Variants in CADM2 observed in about 807,000 individuals in gnomAD.
CADM2 encodes the protein cell adhesion molecule 2.
A neutral mutation model predicts 49.8 loss-of-function variants in CADM2; 12 were observed. The observed-to-expected ratio is 0.24, with a 90% CI of 0.15 to 0.39. The LOEUF (loss-of-function observed/expected upper bound fraction) is 0.39, where lower values mean the gene tolerates loss of function less well. Ranked by LOEUF, CADM2 falls within the 10% of genes least tolerant of loss-of-function variation. The pLI, the probability that CADM2 is intolerant of heterozygous loss-of-function variation, is 1.00. For synonymous variants in CADM2, 214 were observed against 175.4 expected (o/e 1.22, Z -1.74); for missense variants, 378 against 492.3 (o/e 0.77, Z 2.20).
At chr3:85,996,101 TA>T (rs1448096216) in intron 8 of CADM2, among the ~76,000 whole-genome samples, 1 of 148,172 alleles carries the variant, frequency 6.7e-6, no homozygotes, top group Non-Finnish European at 1.5e-5. Flanking sequence ...AAAAAAAAAA[TA>T]AAAAATAAAA....
chr3:85,780,371 C>T (rs73845661), intron 2 of CADM2, among the ~76,000 whole-genome samples: 4 of 152,212 alleles, frequency 2.6e-5, no homozygotes, highest in South Asian at 2.1e-4. Flanking sequence ...TCAAAGCAAA[C>T]ATTCATGAAA....
chr3:86,007,692 T>C (rs1730963538), intron 8 of CADM2, among the ~76,000 whole-genome samples: 1 of 152,224 alleles, frequency 6.6e-6, no homozygotes, highest in African/African-American at 2.4e-5. Flanking sequence ...GGCTGGTGAT[T>C]GGACCTCTCC....
intron 6 of CADM2, among the ~76,000 whole-genome samples, chr3:85,924,201 TAAAG>T (rs966264040): frequency 9.2e-5 from 14 of 152,112 alleles, no homozygotes; most frequent in African/African-American, 3.1e-4. Context: ...GCACCTCTAA[TAAAG>T]AAAGAACACA....
chr3:85,735,935 A>G (rs1258777074), intron 2 of CADM2, among the ~76,000 whole-genome samples: 5 of 152,252 alleles, frequency 3.3e-5, no homozygotes, highest in South Asian at 2.1e-4. Flanking sequence ...AATTTAGAAG[A>G]AAGTTCTACA....
intron 1 of CADM2, among the ~76,000 whole-genome samples, chr3:85,274,774 A>C (rs1349624002): frequency 6.6e-6 from 1 of 151,502 alleles, no homozygotes; most frequent in Non-Finnish European, 1.5e-5. Context: ...GAGCATCTGA[A>C]AAAGGAATTA....
At chr3:85,256,248 A>C (rs1576222615) in intron 1 of CADM2, among the ~76,000 whole-genome samples, 2 of 151,680 alleles carry the variant, frequency 1.3e-5, no homozygotes, top group Non-Finnish European at 2.9e-5. Context: ...CATCAGGATC[A>C]CTCTCCTCTT....
chr3:85,212,881 T>C (rs548707257), intron 1 of CADM2, among the ~76,000 whole-genome samples: 2 of 134,288 alleles, frequency 1.5e-5, no homozygotes, highest in Admixed American at 7.5e-5. Context: ...TTTCTTTCTT[T>C]CTTTCTCTTT....
intron 1 of CADM2, among the ~76,000 whole-genome samples, chr3:85,504,924 A>G (rs1051153775): frequency 3.9e-5 from 6 of 152,136 alleles, no homozygotes; most frequent in Non-Finnish European, 8.8e-5. Context: ...CCCGGGTGCT[A>G]AGCCCCTCAT....
intron 1 of CADM2, among the ~76,000 whole-genome samples, chr3:85,218,815 G>C (rs1231301549): frequency 6.6e-6 from 1 of 152,052 alleles, no homozygotes; most frequent in Non-Finnish European, 1.5e-5. Flanking sequence ...AAATAAAATT[G>C]TGTGCATTTA....
chr3:85,540,573 T>G (rs2061515307), intron 1 of CADM2, among the ~76,000 whole-genome samples: 1 of 152,168 alleles, frequency 6.6e-6, no homozygotes, highest in South Asian at 2.1e-4. Flanking sequence ...GAACTGAGAC[T>G]TGGTTTCAGA....
intron 1 of CADM2, among the ~76,000 whole-genome samples, chr3:85,077,338 G>T (rs1463639442): frequency 6.6e-6 from 1 of 151,976 alleles, no homozygotes. Context: ...TACTTATGAG[G>T]CAATGCTTTT....
At chr3:85,967,126 A>G (rs1456686390) in intron 8 of CADM2, among the ~76,000 whole-genome samples, 1 of 151,672 alleles carries the variant, frequency 6.6e-6, no homozygotes, top group African/African-American at 2.4e-5. Context: ...AATCGTACAC[A>G]TAGATATTAT....
intron 5 of CADM2, among the ~76,000 whole-genome samples, chr3:85,901,384 A>G (rs1716098811): frequency 6.6e-6 from 1 of 152,166 alleles, no homozygotes; most frequent in Non-Finnish European, 1.5e-5. Flanking sequence ...GTTATAGTAT[A>G]GATTACAGTT....
chr3:85,123,359 G>A (rs1490864694), intron 1 of CADM2, among the ~76,000 whole-genome samples: 3 of 152,004 alleles, frequency 2.0e-5, no homozygotes, highest in Admixed American at 6.6e-5. Flanking sequence ...ATTTCAAATG[G>A]TAGTCATAAG....
intron 1 of CADM2, among the ~76,000 whole-genome samples, chr3:85,182,781 A>G (rs112715950): frequency 0.033 from 5,051 of 152,130 alleles, 137 homozygotes; most frequent in Non-Finnish European, 0.052. Context: ...CAGTTGTCTT[A>G]TTGTGCTTGT....
At chr3:85,006,973 C>T (rs555757962) in intron 1 of CADM2, among the ~76,000 whole-genome samples, 92 of 151,952 alleles carry the variant, frequency 6.1e-4, no homozygotes, top group Non-Finnish European at 1.1e-3. Context: ...AATTAATGTC[C>T]AATAAAATGT....
intron 8 of CADM2, chr3:85,992,245 G>C (rs991211962): frequency 1.3e-5 from 2 of 151,908 alleles, no homozygotes; most frequent in Non-Finnish European, 2.9e-5. Context: ...AAAAATTGAT[G>C]TGAAATATTT....
chr3:85,942,292 G>A (rs1192958078), intron 7 of CADM2, among the ~76,000 whole-genome samples: 1 of 150,614 alleles, frequency 6.6e-6, no homozygotes, highest in Admixed American at 6.7e-5. Context: ...AGAACAACTG[G>A]TACCAGCCAC....
At chr3:85,368,850 C>A (rs984229703) in intron 1 of CADM2, among the ~76,000 whole-genome samples, 5 of 152,112 alleles carry the variant, frequency 3.3e-5, no homozygotes, top group African/African-American at 1.2e-4. Context: ...CCTGTTCTGT[C>A]TCATTGCACC....
Sources: gnomAD v4.1 joint callset for allele counts (sites outside exome capture counted in the v4.1 genomes callset) on GRCh38, gnomAD v4.1.1 for gene constraint, MANE v1.5 for transcripts, NCBI Gene and HGNC (gene_info 2026-07-23, HGNC 2026-07-21) for gene names.